LRSAM1: variants seen among roughly 807,000 people sequenced by gnomAD.
LRSAM1 encodes the protein E3 ubiquitin-protein ligase LRSAM1.
LRSAM1 carries 96 observed loss-of-function variants against 118.1 expected under a neutral mutation model. The ratio of observed to expected loss-of-function variants is 0.81; its 90% CI spans 0.69 to 0.96. The LOEUF is 0.96. LRSAM1 is among the 40% of genes least tolerant of loss of function. The probability of loss-of-function intolerance (pLI) is 0.00; values close to 1 mark genes in which losing one functional copy is unlikely to be tolerated. For missense variants in LRSAM1, 804 were observed against 915.5 expected (o/e 0.88, Z 1.57); for synonymous variants, 322 against 364.2 (o/e 0.88, Z 1.32).
intron 6 of LRSAM1, among the ~76,000 whole-genome samples, 186 bp from the exon 7 acceptor site, chr9:127,458,817 A>G (rs1190719117): frequency 6.6e-6 from 1 of 152,242 alleles, no homozygotes; most frequent in African/African-American, 2.4e-5. Flanking sequence ...TAAAATAAGA[A>G]AATGGTATAA....
At chr9:127,459,686 G>C (rs1263844965) in intron 7 of LRSAM1, among the ~76,000 whole-genome samples, 1 of 151,934 alleles carries the variant, frequency 6.6e-6, no homozygotes, top group Admixed American at 6.6e-5. Flanking sequence ...AGCCTCCTGA[G>C]TATCTGGGAT....
At chr9:127,501,168 G>GCCTGCCCTGCCTGTGGCCACCCT in intron 25 of LRSAM1, 25 bp downstream of exon 25, 1 of 1,607,132 alleles carries the variant, frequency 6.2e-7, no homozygotes, top group Non-Finnish European at 8.5e-7. Context: ...CTCCCCACCC[G>GCCTGCCCTGCCTGTGGCCACCCT]CCTGCCCTGC....
chr9:127,493,201 A>G (rs192956305), intron 21 of LRSAM1, among the ~76,000 whole-genome samples: 148 of 152,150 alleles, frequency 9.7e-4, no homozygotes, highest in Non-Finnish European at 1.4e-3. Context: ...AGCTGGGACT[A>G]CAGGCATGTG....
rs780168494 is a variant in LRSAM1, at chr9:127,467,719, G to A, written c.529-21G>A. On this transcript the variant is annotated intron_variant, in intron 9 of 25. Coordinates refer to ENST00000300417, the MANE Select transcript of LRSAM1 (RefSeq NM_001005373.4). Reference sequence around the variant, plus strand: ...TTGCGTTGGTAGCGAACAGTAAAGCGGGTTACCCTTGTGTCTGCAGATGCT... The same window carrying A: ...TTGCGTTGGTAGCGAACAGTAAAGCAGGTTACCCTTGTGTCTGCAGATGCT... The A allele has an allele frequency of 9.4e-6, 15 of 1,602,278 alleles. No homozygotes were observed. In the South Asian group the frequency reaches 1.2e-4, roughly 13 times the overall value.
chr9:127,491,934 G>A (rs1420361888), intron 20 of LRSAM1, among the ~76,000 whole-genome samples: 1 of 152,210 alleles, frequency 6.6e-6, no homozygotes, highest in Non-Finnish European at 1.5e-5. Flanking sequence ...GCTGCAGACG[G>A]AGGGCTGGAT....
chr9:127,479,791 G>T (rs143901401), intron 13 of LRSAM1, 48 bp from the exon 14 acceptor site: 1 of 1,599,928 alleles, frequency 6.3e-7, no homozygotes, highest in Non-Finnish European at 8.5e-7. Flanking sequence ...ACCCCTCACG[G>T]CGTCTGAGGG....
Position 127,479,426 on chromosome 9 carries a change from A to T in LRSAM1, c.824A>T (p.Glu275Val). 6.2e-7 allele frequency: 1 copy of T among 1,614,192 alleles called. No individual in the cohort carries two copies. The highest frequency in any genetic ancestry group is 8.5e-7 in the Non-Finnish European group (1 of 1,180,036). The stretch of plus-strand genomic sequence containing the variant: ...AAACTCGAGTTTGAACGGCGCCTGG[A>T]ACTGGGGCAGCGGGAGCACACCCAG... ...LEKLEFERRL[E>V]LGQREHTQLL... Residue 275 changes from glutamate to valine, a missense_variant, in exon 13 of 26, where the codon GAA becomes GTA. Coordinates refer to ENST00000300417, the MANE Select transcript of LRSAM1 (RefSeq NM_001005373.4).
rs780492552 is a variant in LRSAM1 at position 127,502,858 on chromosome 9, C to A, written c.2131C>A (p.Gln711Lys). ...QPLRTCPLCR[Q>K]DIAQRLRIYH... is the part of the protein sequence containing the mutation. ...ACTGCGCACCTGCCCGCTGTGCCGC[C>A]AGGACATCGCCCAGCGCCTCCGCAT... Residue 711 changes from glutamine (Q) to lysine (K), a missense_variant, in exon 26 of 26, where the codon CAG (glutamine) becomes AAG (lysine). By Grantham distance (53) the Gln-to-Lys change is moderately conservative. Coordinates refer to ENST00000300417, the MANE Select transcript of LRSAM1 (RefSeq NM_001005373.4). 6.2e-7 allele frequency: 1 copy of A among 1,610,966 alleles called. No individual in the cohort carries two copies. The highest frequency in any genetic ancestry group is 8.5e-7 in the Non-Finnish European group (1 of 1,179,186).
At position 127,458,949 on chromosome 9, in the gene LRSAM1, C is replaced by T. The variant is rs547011071; in HGVS notation, c.253-54C>T. 4.5e-5 allele frequency: 72 copies of T among 1,593,278 alleles called. No individual in the cohort carries two copies. The East Asian group carries it at 1.0e-3, about 23-fold the overall frequency. ...AGCCCCTCCTCAGCGCTCTGGAGCC[C>T]GGAGTCTGAGGGACTTTCTCACTTG... On this transcript the variant is annotated intron_variant, in intron 6 of 25. Transcript: ENST00000300417.
chr9:127,489,757 G>T (rs2132092906), intron 19 of LRSAM1, among the ~76,000 whole-genome samples: 1 of 152,368 alleles, frequency 6.6e-6, no homozygotes, highest in African/African-American at 2.4e-5. Flanking sequence ...TGCCAGCGAG[G>T]CGGGTCTCCA....
At chr9:127,459,122 G>GCAGTCACT (rs1252561955) in intron 7 of LRSAM1, 51 bp downstream of exon 7, 2 of 1,560,154 alleles carry the variant, frequency 1.3e-6, no homozygotes, top group Non-Finnish European at 1.8e-6. Flanking sequence ...GTGAGACCAG[G>GCAGTCACT]CAGTCACTCA....
At chr9:127,495,178 C>T (rs1274354977) in intron 21 of LRSAM1, 142 bp from the exon 22 acceptor site, 5 of 674,262 alleles carry the variant, frequency 7.4e-6, no homozygotes, top group Non-Finnish European at 1.3e-5. Flanking sequence ...GTCTTGAACT[C>T]CCGACCTCAG....
Position 127,495,168 on chromosome 9 carries a change from G to A in LRSAM1, c.1600-152G>A, listed in dbSNP as rs142343329. The A allele has an allele frequency of 3.8e-3, 2,396 of 634,996 alleles. 50 individuals carry two copies. Among genetic ancestry groups the A allele is most frequent in the African/African-American group, 0.035 (1,923 of 54,970 alleles). The allele number at this position is 634,996 out of a possible 1,614,324, so 39.3% of individuals were successfully genotyped here. On this transcript the variant is annotated intron_variant, in intron 21 of 25. Transcript: ENST00000300417. ...GGGTTTCTCCATGTTGGTCAGGCTG[G>A]TCTTGAACTCCCGACCTCAGGTGAT...
At chr9:127,457,117 C>T (rs1185659387) in intron 5 of LRSAM1, among the ~76,000 whole-genome samples, 199 bp from the exon 6 acceptor site, 1 of 152,214 alleles carries the variant, frequency 6.6e-6, no homozygotes, top group African/African-American at 2.4e-5. Flanking sequence ...CTCTTTCACC[C>T]TTGAAGATCC....
At chr9:127,478,365 A>C (rs1835414065) in intron 11 of LRSAM1, among the ~76,000 whole-genome samples, 1 of 152,188 alleles carries the variant, frequency 6.6e-6, no homozygotes, top group South Asian at 2.1e-4. Context: ...GTTTTTGCAA[A>C]AGTAGAATCA....
rs745468484 is a variant in LRSAM1 at position 127,502,950 on chromosome 9, A to T, written c.*51A>T. The T allele has an allele frequency of 3.9e-6, 6 of 1,554,786 alleles. No individual in the cohort carries two copies. The highest frequency in any genetic ancestry group is 5.2e-6 in the Non-Finnish European group (6 of 1,150,870). The stretch of plus-strand genomic sequence containing the variant: ...TCCTAGCCCTGCCTCGGCCACTGTG[A>T]GCCCCGGGCTCCTGCTCAGCCTTGT... On this transcript the variant is annotated 3_prime_UTR_variant, in exon 26 of 26. Coordinates refer to ENST00000300417, the MANE Select transcript of LRSAM1 (RefSeq NM_001005373.4).
rs1834890968 is a variant in LRSAM1, at chr9:127,465,433, A to G, written c.529-2307A>G. ...CCATAAATGGCCACACATGGCTTGT[A>G]GCCAGCATCCTGGTATAGCCCACAG... On this transcript the variant is annotated intron_variant, in intron 9 of 25. Coordinates refer to ENST00000300417, the MANE Select transcript of LRSAM1 (RefSeq NM_001005373.4). The surrounding 1 kb of genome is among the most constrained non-coding windows in gnomAD (Gnocchi z 4.1). 6.6e-6 allele frequency among the ~76,000 whole-genome samples: 1 copy of G among 152,362 alleles called. No individual in the cohort carries two copies. The highest frequency in any genetic ancestry group is 2.1e-4 in the South Asian group (1 of 4,830).
intron 20 of LRSAM1, among the ~76,000 whole-genome samples, chr9:127,492,158 T>C (rs1271258792): frequency 6.6e-6 from 1 of 152,124 alleles, no homozygotes; most frequent in Non-Finnish European, 1.5e-5. Flanking sequence ...CAGGCCTTCT[T>C]CCCCTACTCC....
intron 15 of LRSAM1, 86 bp from the exon 16 acceptor site, chr9:127,482,864 C>A: frequency 7.5e-7 from 1 of 1,334,078 alleles, no homozygotes; most frequent in Non-Finnish European, 1.1e-6. Context: ...TCAAGGAGGC[C>A]TTCCTGGAGG....
Sources: allele counts gnomAD v4.1 joint callset (sites outside exome capture counted in the v4.1 genomes callset), GRCh38; gene constraint gnomAD v4.1.1; non-coding constraint Gnocchi (gnomAD v3.1); transcripts MANE v1.5; gene names NCBI Gene and HGNC (gene_info 2026-07-23, HGNC 2026-07-21).